MEIS2: variants seen among roughly 807,000 people sequenced by gnomAD.
The protein encoded by MEIS2 is Meis homeobox 2.
Under a neutral mutation model 58.6 loss-of-function variants are expected in MEIS2, and 9 were observed. The ratio of observed to expected loss-of-function variants is 0.15; its 90% confidence interval spans 0.09 to 0.27. The LOEUF (loss-of-function observed/expected upper bound fraction) is 0.27. MEIS2 is among the 10% of genes least tolerant of loss of function. MEIS2 has a pLI of 1.00. For synonymous variants in MEIS2, 221 were observed against 228.4 expected, an observed-to-expected ratio of 0.97 and a Z score of 0.29; for missense variants, 427 against 635.0, an observed-to-expected ratio of 0.67 and a Z score of 3.52.
intron 7 of MEIS2, among the ~76,000 whole-genome samples, chr15:37,083,102 T>A (rs62045828): frequency 0.67 from 101,276 of 152,022 alleles, 33,877 homozygotes; most frequent in Admixed American, 0.7. Context: ...TTGCTCTCTG[T>A]GCAATAGGTG....
At chr15:37,058,538 C>T (rs1489321539) in intron 7 of MEIS2, among the ~76,000 whole-genome samples, 1 of 152,194 alleles carries the variant, frequency 6.6e-6, no homozygotes, top group African/African-American at 2.4e-5. Flanking sequence ...TCACAGACGT[C>T]TCCGGCAGAC....
At chr15:37,099,038 C>G (rs1894760769) in intron 1 of MEIS2, 1 of 983,450 alleles carries the variant, frequency 1.0e-6, no homozygotes, top group African/African-American at 1.8e-5. Flanking sequence ...GCGGCGGCTC[C>G]TACGCAGCCC....
At chr15:37,045,194 G>A (rs957976949) in intron 7 of MEIS2, among the ~76,000 whole-genome samples, 2 of 152,196 alleles carry the variant, frequency 1.3e-5, no homozygotes, top group Admixed American at 6.5e-5. Flanking sequence ...CTAGGAGAGA[G>A]GGAACTGCCC....
chr15:36,984,387 G>C (rs895847952), intron 8 of MEIS2, among the ~76,000 whole-genome samples: 1 of 152,032 alleles, frequency 6.6e-6, no homozygotes. Flanking sequence ...AATGTTGTAT[G>C]TCACATTTAT....
chr15:36,909,054 C>T (rs745528831), intron 9 of MEIS2, among the ~76,000 whole-genome samples: 3 of 152,114 alleles, frequency 2.0e-5, no homozygotes, highest in Non-Finnish European at 4.4e-5. Context: ...AAACAAAAAG[C>T]AATTAATACT....
Position 37,098,055 on chromosome 15 carries a change from C to T in MEIS2, c.157G>A (p.Ala53Thr). 1 of 1,613,504 alleles carries T rather than the reference C, an allele frequency of 6.2e-7. No individual in the cohort carries two copies. The highest frequency in any genetic ancestry group is 8.5e-7 in the Non-Finnish European group (1 of 1,179,708). Residue 53 changes from alanine (A) to threonine (T), a missense_variant, in exon 2 of 12, where the codon GCG (alanine) becomes ACG (threonine). Physicochemically the swap from Ala to Thr is moderately conservative, Grantham distance 58 (BLOSUM62 0). Transcript: ENST00000561208. ...PPLHATQHYG[A>T]HAPHPNVMPA... ...ATGACATTGGGGTGCGGGGCGTGCGCGCCGTAGTGCTGTGTGGCGTGGAGC... is the reference window on the plus strand; with the variant it reads ...ATGACATTGGGGTGCGGGGCGTGCGTGCCGTAGTGCTGTGTGGCGTGGAGC...
At chr15:37,065,095 A>G (rs1216259895) in intron 7 of MEIS2, among the ~76,000 whole-genome samples, 2 of 152,194 alleles carry the variant, frequency 1.3e-5, no homozygotes, top group Non-Finnish European at 2.9e-5. Flanking sequence ...TCAACTAGAG[A>G]TTAGAAGTAC....
intron 8 of MEIS2, among the ~76,000 whole-genome samples, chr15:36,962,280 T>C (rs1347997192): frequency 6.6e-6 from 1 of 152,222 alleles, no homozygotes; most frequent in East Asian, 1.9e-4. Flanking sequence ...TATATCAGAA[T>C]AAGGTGAGTT....
chr15:36,956,060 G>C (rs2058958166), intron 8 of MEIS2, among the ~76,000 whole-genome samples: 1 of 148,556 alleles, frequency 6.7e-6, no homozygotes, highest in African/African-American at 2.5e-5. Flanking sequence ...AGCCGGGCGT[G>C]GTGGCGGGCG....
intron 9 of MEIS2, among the ~76,000 whole-genome samples, chr15:36,930,624 A>G (rs2057940507): frequency 6.6e-6 from 1 of 152,186 alleles, no homozygotes; most frequent in Admixed American, 6.5e-5. Flanking sequence ...GTAGCCCATT[A>G]AAAGAATTTC....
rs530930010 is a variant in MEIS2 at position 37,069,203 on chromosome 15, T to C, written c.754+14568A>G. 5.3e-5 allele frequency among the ~76,000 whole-genome samples: 8 copies of C among 152,166 alleles called. No individual in the cohort carries two copies. In the South Asian group the frequency reaches 1.7e-3, roughly 32 times the overall value. On this transcript the variant is annotated intron_variant, in intron 7 of 11. Transcript: ENST00000561208. ...CTAATAACTATGCTAGGATATGTAGTGCATGTGTGTAGAAACATCAGTCTG... is the reference window on the plus strand; with the variant it reads ...CTAATAACTATGCTAGGATATGTAGCGCATGTGTGTAGAAACATCAGTCTG...
intron 7 of MEIS2, among the ~76,000 whole-genome samples, chr15:37,049,984 G>A (rs1371507693): frequency 6.6e-6 from 1 of 152,026 alleles, no homozygotes; most frequent in Admixed American, 6.6e-5. Context: ...TGAAAAATTT[G>A]CAATAGATAT....
intron 8 of MEIS2, among the ~76,000 whole-genome samples, chr15:36,999,532 A>G (rs894018087): frequency 6.6e-6 from 1 of 152,194 alleles, no homozygotes; most frequent in Non-Finnish European, 1.5e-5. Context: ...TGAGAATCAT[A>G]GGCTCCAGCC....
intron 8 of MEIS2, among the ~76,000 whole-genome samples, chr15:37,001,187 T>C (rs919812548): frequency 2.6e-5 from 4 of 152,210 alleles, no homozygotes; most frequent in African/African-American, 4.8e-5. Context: ...AAGTATTTTC[T>C]CACTTATCTT....
intron 8 of MEIS2, among the ~76,000 whole-genome samples, chr15:36,969,863 G>A (rs568080531): frequency 7.5e-4 from 114 of 151,914 alleles, no homozygotes; most frequent in African/African-American, 2.6e-3. Flanking sequence ...GCAGCTCCTC[G>A]TAACTTAAGA....
intron 7 of MEIS2, among the ~76,000 whole-genome samples, chr15:37,052,540 A>G (rs12595026): frequency 0.6 from 90,558 of 152,018 alleles, 27,306 homozygotes; most frequent in South Asian, 0.75. Context: ...GGGTGGGTGA[A>G]AGGTGGGGCA....
chr15:37,010,602 C>T (rs1350475289), intron 8 of MEIS2, among the ~76,000 whole-genome samples: 1 of 152,168 alleles, frequency 6.6e-6, no homozygotes, highest in African/African-American at 2.4e-5. Context: ...GGCCCTCGAA[C>T]TCCTGGGCTC....
chr15:37,051,856 C>A (rs1567229934), intron 7 of MEIS2, among the ~76,000 whole-genome samples: 1 of 152,048 alleles, frequency 6.6e-6, no homozygotes. Context: ...ATATAATTTT[C>A]TTTAACTTCA....
chr15:36,927,856 G>A (rs2057809451), intron 9 of MEIS2, among the ~76,000 whole-genome samples: 1 of 151,998 alleles, frequency 6.6e-6, no homozygotes, highest in Non-Finnish European at 1.5e-5. Flanking sequence ...TCAGCTGTTT[G>A]TACCTCAATG....
Sources: gnomAD v4.1 joint callset for allele counts (sites outside exome capture counted in the v4.1 genomes callset) on GRCh38, gnomAD v4.1.1 for gene constraint, MANE v1.5 for transcripts, NCBI Gene and HGNC (gene_info 2026-07-23, HGNC 2026-07-21) for gene names.